Variants in HYCC2 observed in about 807,000 individuals in gnomAD.
The protein encoded by HYCC2 is hyccin PI4KA lipid kinase complex subunit 2, also known as hyccin 2.
At chr2:201,036,822 T>G in the HYCC2 span, among the ~76,000 whole-genome samples, 1 of 152,224 alleles carries the variant, frequency 6.6e-6, no homozygotes, top group African/African-American at 2.4e-5. Context: ...AGCATTCCCT[T>G]TGAAAACTGG....
the HYCC2 span, among the ~76,000 whole-genome samples, chr2:201,032,030 C>T: frequency 2.6e-5 from 4 of 152,044 alleles, no homozygotes; most frequent in East Asian, 1.9e-4. Context: ...GGCACAATCT[C>T]GATCACTGCA....
chr2:201,026,470 G>A, the HYCC2 span, among the ~76,000 whole-genome samples: 1 of 152,152 alleles, frequency 6.6e-6, no homozygotes, highest in African/African-American at 2.4e-5. Context: ...ACACCTAATA[G>A]ACATCTACAG....
At chr2:200,998,545 G>A in the HYCC2 span, among the ~76,000 whole-genome samples, 8 of 152,152 alleles carry the variant, frequency 5.3e-5, no homozygotes, top group Admixed American at 1.3e-4. Flanking sequence ...CAGAGATCCT[G>A]ATTTATTAAT....
At chr2:201,054,229 A>C in the HYCC2 span, among the ~76,000 whole-genome samples, 1 of 152,200 alleles carries the variant, frequency 6.6e-6, no homozygotes, top group Non-Finnish European at 1.5e-5. Flanking sequence ...CATCTTTTCC[A>C]ATTCTACTGG....
chr2:201,031,674 C>T, the HYCC2 span, among the ~76,000 whole-genome samples: 3 of 151,952 alleles, frequency 2.0e-5, no homozygotes, highest in Non-Finnish European at 2.9e-5. Context: ...CAAAAAATCA[C>T]CTTGCTTGCT....
chr2:200,997,557 C>G, the HYCC2 span: 3 of 1,512,872 alleles, frequency 2.0e-6, no homozygotes, highest in African/African-American at 4.1e-5. Context: ...ACAACAAATG[C>G]AAGGTTAAAA....
chr2:200,976,828 A>T, the HYCC2 span: 1 of 152,192 alleles, frequency 6.6e-6, no homozygotes, highest in Non-Finnish European at 1.5e-5. Flanking sequence ...TAAGCATAAG[A>T]TTCAGTCTCT....
At chr2:201,063,167 G>C in the HYCC2 span, 7 of 1,610,250 alleles carry the variant, frequency 4.3e-6, no homozygotes, top group African/African-American at 8.0e-5. Context: ...TGAAACAACC[G>C]ATGAGAGCCT....
At chr2:201,049,515 T>G in the HYCC2 span, among the ~76,000 whole-genome samples, 2 of 151,330 alleles carry the variant, frequency 1.3e-5, no homozygotes, top group Non-Finnish European at 3.0e-5. Flanking sequence ...CACCCCGGTT[T>G]TTTTTTTTTT....
At chr2:200,974,142 A>G in the HYCC2 span, 1 of 152,010 alleles carries the variant, frequency 6.6e-6, no homozygotes, top group African/African-American at 2.4e-5. Context: ...TATCCTATTT[A>G]AATTTTCACC....
At chr2:200,988,202 G>C in the HYCC2 span, 1 of 1,470,176 alleles carries the variant, frequency 6.8e-7, no homozygotes, top group Non-Finnish European at 9.2e-7. Context: ...AAGACAGTCT[G>C]TAAAAACAGT....
chr2:200,982,820 G>C, the HYCC2 span, among the ~76,000 whole-genome samples: 1 of 152,048 alleles, frequency 6.6e-6, no homozygotes, highest in East Asian at 1.9e-4. Context: ...GCAGTGGCAC[G>C]ATCTTCAGCT....
the HYCC2 span, among the ~76,000 whole-genome samples, chr2:201,014,009 G>A: frequency 2.0e-5 from 3 of 152,138 alleles, no homozygotes; most frequent in South Asian, 2.1e-4. Flanking sequence ...CACAGACATC[G>A]AGGGAATCAA....
the HYCC2 span, chr2:201,011,535 C>T: frequency 1.1e-6 from 1 of 937,096 alleles, no homozygotes; most frequent in Non-Finnish European, 1.5e-6. Flanking sequence ...ATAATAATTA[C>T]TTTCTTAATT....
At chr2:201,063,651 G>C in the HYCC2 span, 1 of 1,573,356 alleles carries the variant, frequency 6.4e-7, no homozygotes, top group South Asian at 1.1e-5. Context: ...GAGATGACTA[G>C]TGCTTCATCT....
the HYCC2 span, chr2:200,981,403 T>C: frequency 2.5e-6 from 4 of 1,614,044 alleles, no homozygotes; most frequent in South Asian, 2.2e-5. This position sits in a 1 kb window ranked among gnomAD's most constrained non-coding sequence, Gnocchi z 4.5. Context: ...GACAGTTGAG[T>C]ATCGATTAGC....
chr2:201,047,890 C>CA, the HYCC2 span, among the ~76,000 whole-genome samples: 11,518 of 67,768 alleles, frequency 0.17, 1,321 homozygotes, highest in African/African-American at 0.35. Flanking sequence ...TTAAAATTTG[C>CA]AAAAAAAAAA....
the HYCC2 span, among the ~76,000 whole-genome samples, chr2:200,990,403 T>G: frequency 1.8e-4 from 28 of 152,128 alleles, no homozygotes; most frequent in East Asian, 1.4e-3. Flanking sequence ...TTTACATTTT[T>G]TTTTGTTTTG....
the HYCC2 span, among the ~76,000 whole-genome samples, chr2:201,006,781 G>A: frequency 3.1e-3 from 469 of 152,210 alleles, 2 homozygotes; most frequent in African/African-American, 0.011. Context: ...TATAATATTG[G>A]CATTGTTGGT....
Sources: allele counts gnomAD v4.1 joint callset (sites outside exome capture counted in the v4.1 genomes callset), GRCh38; gene constraint gnomAD v4.1.1; non-coding constraint Gnocchi (gnomAD v3.1); transcripts MANE v1.5; gene names NCBI Gene and HGNC (gene_info 2026-07-23, HGNC 2026-07-21).